The following NRIP1 variants were observed in gnomAD, a reference collection of about 807,000 sequenced individuals.
The protein encoded by NRIP1 is nuclear receptor-interacting protein 1.
Under a neutral mutation model 75.0 loss-of-function variants are expected in NRIP1, and 28 were observed. The observed-to-expected ratio is 0.37, with a 90% CI of 0.28 to 0.51. The LOEUF is 0.51. Among genes scored for constraint, NRIP1 ranks in the 20% least tolerant of loss-of-function variants. The pLI, the probability that NRIP1 is intolerant of heterozygous loss-of-function variation, is 0.92. For missense variants in NRIP1, 1,435 were observed against 1,343.7 expected (o/e 1.07, Z -1.06); for synonymous variants, 526 against 487.6 (o/e 1.08, Z -1.04).
At position 14,963,080 on chromosome 21, in the gene NRIP1, A is replaced by G. The variant is rs1447152547; in HGVS notation, c.*1636T>C. ...ATTAATTTCTTCTAAGACAGTATCA[A>G]CATGTACTTTTCATCACTACTTTAA... On this transcript the variant is annotated 3_prime_UTR_variant, in exon 4 of 4. Coordinates refer to ENST00000318948, the MANE Select transcript of NRIP1 (RefSeq NM_003489.4). 1 of 152,224 alleles carries G rather than the reference A, an allele frequency of 6.6e-6. No individual in the cohort carries two copies. The highest frequency in any genetic ancestry group is 1.9e-4 in the East Asian group (1 of 5,204). The allele number at this position is 152,224 out of a possible 1,614,324, so 9.4% of individuals were successfully genotyped here.
intron 1 of NRIP1, chr21:15,051,442 A>AT (rs2089200877): frequency 6.5e-6 from 1 of 153,586 alleles, no homozygotes; most frequent in Admixed American, 6.5e-5. Context: ...AACACTCAGA[A>AT]AAGAACAATG....
chr21:14,977,875 C>T (rs1230419251), intron 3 of NRIP1, among the ~76,000 whole-genome samples: 1 of 152,156 alleles, frequency 6.6e-6, no homozygotes, highest in African/African-American at 2.4e-5. Flanking sequence ...AACTGAGGGC[C>T]TCAACATTTG....
chr21:14,988,321 G>A (rs1400374093), intron 3 of NRIP1: 3 of 152,036 alleles, frequency 2.0e-5, no homozygotes, highest in Non-Finnish European at 4.4e-5. Flanking sequence ...ACTATTCACA[G>A]ACAAAGCTTC....
At position 14,962,113 on chromosome 21, in the gene NRIP1, C is replaced by T. The variant is rs933857328; in HGVS notation, c.*2603G>A. On this transcript the variant is annotated 3_prime_UTR_variant, in exon 4 of 4. Coordinates refer to ENST00000318948, the MANE Select transcript of NRIP1 (RefSeq NM_003489.4). ...AGAATAAACAGGTAATGAATGCTAC[C>T]TTACTGATGTCAATAAGCTGTAGTA... The T allele has an allele frequency of 6.7e-6, 1 of 149,502 alleles. No individual in the cohort carries two copies. The highest frequency in any genetic ancestry group is 1.5e-5 in the Non-Finnish European group (1 of 67,336). The allele number at this position is 149,502 out of a possible 1,614,324, so 9.3% of individuals were successfully genotyped here. A position where few individuals can be genotyped will look rare whatever the true frequency, so the allele number is the denominator to read the frequency against.
At chr21:14,983,936 C>T (rs1390734781) in intron 3 of NRIP1, among the ~76,000 whole-genome samples, 1 of 152,200 alleles carries the variant, frequency 6.6e-6, no homozygotes, top group African/African-American at 2.4e-5. Flanking sequence ...TGTACCTGTA[C>T]ACTAAGAGCT....
chr21:15,056,027 A>G (rs2089298432), intron 1 of NRIP1, among the ~76,000 whole-genome samples: 1 of 152,190 alleles, frequency 6.6e-6, no homozygotes, highest in East Asian at 1.9e-4. Flanking sequence ...AAAAGGAAAG[A>G]AAATGGCACA....
chr21:15,030,788 A>C (rs185691669), intron 2 of NRIP1, among the ~76,000 whole-genome samples: 128 of 151,974 alleles, frequency 8.4e-4, no homozygotes, highest in Non-Finnish European at 1.4e-3. Flanking sequence ...ATGATGATTT[A>C]AGTTAAAATA....
chr21:15,002,045 G>A (rs933812810), intron 3 of NRIP1: 2 of 152,088 alleles, frequency 1.3e-5, no homozygotes, highest in African/African-American at 4.8e-5. Flanking sequence ...GTAGCCCATT[G>A]CTCTCACATA....
rs1018122699 is a variant in NRIP1, at chr21:14,963,097, CTACTT to C, written c.*1614_*1618del. On this transcript the variant is annotated 3_prime_UTR_variant, in exon 4 of 4. Transcript: ENST00000318948. ...CAGTATCAACATGTACTTTTCATCA[CTACTT>C]TAAAGTAAAAGATCCAATGGAGTGA... 7 of 152,314 alleles carry C rather than the reference CTACTT, an allele frequency of 4.6e-5. No individual in the cohort carries two copies. The highest frequency in any genetic ancestry group is 1.3e-4 in the Admixed American group (2 of 15,268). 9.4% of individuals were successfully genotyped at this position (152,314 alleles called of 1,614,324 possible).
intron 1 of NRIP1, among the ~76,000 whole-genome samples, chr21:15,062,918 T>G (rs575758926): frequency 6.6e-6 from 1 of 152,330 alleles, no homozygotes; most frequent in South Asian, 2.1e-4. Flanking sequence ...TAGAAATGCA[T>G]GTAAAAGAGG....
chr21:15,054,178 T>C (rs2089258780), intron 1 of NRIP1, among the ~76,000 whole-genome samples: 1 of 152,184 alleles, frequency 6.6e-6, no homozygotes, highest in South Asian at 2.1e-4. Flanking sequence ...TCATCAACTG[T>C]TCTTGATACC....
upstream of NRIP1, among the ~76,000 whole-genome samples, chr21:15,065,318 C>A (rs1251278035): frequency 6.6e-6 from 1 of 151,878 alleles, no homozygotes; most frequent in Non-Finnish European, 1.5e-5. Context: ...GAGAGAGGGG[C>A]TGCACGGCGC....
chr21:15,011,093 A>G (rs755074684), intron 3 of NRIP1, among the ~76,000 whole-genome samples: 46 of 152,370 alleles, frequency 3.0e-4, no homozygotes, highest in Non-Finnish European at 5.9e-4. Context: ...AAACAAATAA[A>G]AAAAAATATG....
At chr21:15,037,721 AT>A (rs1442204947) in intron 2 of NRIP1, among the ~76,000 whole-genome samples, 1 of 152,162 alleles carries the variant, frequency 6.6e-6, no homozygotes, top group Non-Finnish European at 1.5e-5. Context: ...GAAATGTGCA[AT>A]TAACATGCTT....
chr21:15,064,319 A>G (rs1298188527), intron 1 of NRIP1, among the ~76,000 whole-genome samples: 1 of 152,180 alleles, frequency 6.6e-6, no homozygotes, highest in Non-Finnish European at 1.5e-5. Context: ...GGAGGCACCC[A>G]GGCGAAAGGC....
At chr21:14,982,132 G>A (rs1019536985) in intron 3 of NRIP1, among the ~76,000 whole-genome samples, 3 of 152,130 alleles carry the variant, frequency 2.0e-5, no homozygotes, top group Admixed American at 2.0e-4. Context: ...TTACAGGCAT[G>A]AGCCACGATG....
chr21:15,054,223 A>T (rs1600934615), intron 1 of NRIP1, among the ~76,000 whole-genome samples: 1 of 152,318 alleles, frequency 6.6e-6, no homozygotes, highest in South Asian at 2.1e-4. Context: ...CACCAAAATG[A>T]ACTCTGGATG....
At chr21:14,984,311 TG>T (rs2087329426) in intron 3 of NRIP1, among the ~76,000 whole-genome samples, 1 of 151,276 alleles carries the variant, frequency 6.6e-6, no homozygotes, top group Non-Finnish European at 1.5e-5. Context: ...CCTAAAGATG[TG>T]GGTAAATTTC....
intron 3 of NRIP1, among the ~76,000 whole-genome samples, chr21:14,998,755 A>C (rs1479295777): frequency 6.6e-6 from 1 of 152,192 alleles, no homozygotes; most frequent in African/African-American, 2.4e-5. Flanking sequence ...TTTTCTTCAG[A>C]CATCTTTCCT....
Sources: allele counts gnomAD v4.1 joint callset (sites outside exome capture counted in the v4.1 genomes callset), GRCh38; gene constraint gnomAD v4.1.1; transcripts MANE v1.5; gene names NCBI Gene and HGNC (gene_info 2026-07-23, HGNC 2026-07-21).